Variants in LMO7 observed in about 807,000 individuals in gnomAD.
The protein encoded by LMO7 is LIM domain only protein 7.
A neutral mutation model predicts 206.5 loss-of-function variants in LMO7; 120 were observed. That is an observed-to-expected ratio of 0.58 (90% CI 0.50 to 0.68). LMO7 has a LOEUF of 0.68. Ranked by LOEUF, LMO7 falls within the 30% of genes least tolerant of loss-of-function variation. The probability of loss-of-function intolerance (pLI) is 0.00; values close to 1 mark genes in which losing one functional copy is unlikely to be tolerated. For synonymous variants in LMO7, 706 were observed against 681.5 expected, an observed-to-expected ratio of 1.04 and a Z score of -0.56; for missense variants, 1,959 against 1,957.9, an observed-to-expected ratio of 1.00 and a Z score of -0.01.
intron 1 of LMO7, among the ~76,000 whole-genome samples, chr13:75,701,529 T>A (rs2042286112): frequency 6.6e-6 from 1 of 152,180 alleles, no homozygotes; most frequent in East Asian, 1.9e-4. Flanking sequence ...TGACGCCATC[T>A]TTTTGCTGTT....
At chr13:75,834,660 A>G (rs192357771) in intron 17 of LMO7, among the ~76,000 whole-genome samples, 2 of 152,324 alleles carry the variant, frequency 1.3e-5, no homozygotes, top group Non-Finnish European at 2.9e-5. Flanking sequence ...AGACAAATGT[A>G]TCTGCATCCA....
chr13:75,853,400 G>T lies in LMO7; in HGVS notation c.4661+12G>T. On this transcript the variant is annotated intron_variant, in intron 28 of 30. Coordinates refer to ENST00000377534, the MANE Select transcript of LMO7 (RefSeq NM_001306080.2). ...CAGCTGCGTAACAGGTGAGGCCCTTGCTGTTTCTCTTTCTTCTCTTAGTCT... is the reference window on the plus strand; with the variant it reads ...CAGCTGCGTAACAGGTGAGGCCCTTTCTGTTTCTCTTTCTTCTCTTAGTCT... 6.5e-7 allele frequency: 1 copy of T among 1,547,450 alleles called. No homozygotes were observed. The highest frequency in any genetic ancestry group is 1.4e-5 in the African/African-American group (1 of 72,414).
At chr13:75,807,444 T>A in intron 9 of LMO7, 36 bp from the exon 10 acceptor site, 1 of 1,600,628 alleles carries the variant, frequency 6.2e-7, no homozygotes, top group African/African-American at 1.3e-5. Flanking sequence ...CTAAGCTTAA[T>A]AAGATTCTCT....
At chr13:75,803,520 T>A (rs189381306) in intron 7 of LMO7, among the ~76,000 whole-genome samples, 12 of 152,362 alleles carry the variant, frequency 7.9e-5, no homozygotes, top group African/African-American at 2.9e-4. Context: ...TCCTTTGTCT[T>A]TAAAAGAGTA....
intron 12 of LMO7, 46 bp downstream of exon 12, chr13:75,817,324 T>C: frequency 8.2e-7 from 1 of 1,225,446 alleles, no homozygotes; most frequent in Non-Finnish European, 1.2e-6. Context: ...TTTGTCTAAC[T>C]TTTCTTTGCT....
At chr13:75,748,008 G>GT (rs1022424121) in intron 3 of LMO7, among the ~76,000 whole-genome samples, 17 of 152,286 alleles carry the variant, frequency 1.1e-4, no homozygotes, top group African/African-American at 4.1e-4. Context: ...CCTATATCTT[G>GT]TAGTCATCAA....
chr13:75,626,595 A>ATATTTTTTTTTTTTTTTT, intron 2 of LMO7, among the ~76,000 whole-genome samples: 23 of 71,180 alleles, frequency 3.2e-4, no homozygotes, highest in African/African-American at 6.9e-4. Context: ...ATATATATAA[A>ATATTTTTTTTTTTTTTTT]TTTTTTTGAG....
chr13:75,635,028 C>CAAAACAAAACAAAAA (rs1648997062), upstream of LMO7, among the ~76,000 whole-genome samples: 1 of 135,690 alleles, frequency 7.4e-6, no homozygotes, highest in African/African-American at 2.5e-5. Context: ...CAAAACAAAA[C>CAAAACAAAACAAAAA]AAAACAAAAC....
At chr13:75,647,893 A>G (rs74319345) in intron 1 of LMO7, among the ~76,000 whole-genome samples, 5,271 of 151,506 alleles carry the variant, frequency 0.035, 124 homozygotes, top group African/African-American at 0.042. Flanking sequence ...GGAAAAGGGA[A>G]GCTGAAGCTC....
intron 3 of LMO7, among the ~76,000 whole-genome samples, chr13:75,733,062 C>T (rs374442998): frequency 3.9e-5 from 6 of 152,276 alleles, no homozygotes; most frequent in Admixed American, 2.0e-4. Flanking sequence ...TTAGACTGCT[C>T]GGGGGTCAGG....
chr13:75,852,130 A>G (rs1430310225), intron 27 of LMO7, among the ~76,000 whole-genome samples: 1 of 152,200 alleles, frequency 6.6e-6, no homozygotes. Context: ...ATAAGTATCA[A>G]TCTTCTTAGA....
chr13:75,694,427 A>G (rs1282439071), intron 1 of LMO7, among the ~76,000 whole-genome samples: 3 of 152,186 alleles, frequency 2.0e-5, no homozygotes, highest in Non-Finnish European at 4.4e-5. Flanking sequence ...GATCTCTGGA[A>G]GGTTTTGAGC....
intron 4 of LMO7, among the ~76,000 whole-genome samples, chr13:75,775,107 T>G (rs2050205216): frequency 6.6e-6 from 1 of 152,170 alleles, no homozygotes; most frequent in African/African-American, 2.4e-5. Flanking sequence ...GCTGTTGGAA[T>G]TAATGTTGTA....
At chr13:75,722,348 T>G (rs1315982358) in intron 2 of LMO7, among the ~76,000 whole-genome samples, 1 of 151,050 alleles carries the variant, frequency 6.6e-6, no homozygotes, top group Non-Finnish European at 1.5e-5. Flanking sequence ...CTCAAACAAA[T>G]CAAGAAAAAA....
At position 75,819,396 on chromosome 13, in the gene LMO7, C is replaced by T. The variant is rs1185136517; in HGVS notation, c.2068C>T (p.Leu690Phe). Reference sequence around the variant, plus strand: ...GCTGATGTGATTTTTCTGTCAGGACCTTGCAAAATGGAAAGATCGTCGAAA... The same window carrying T: ...GCTGATGTGATTTTTCTGTCAGGACTTTGCAAAATGGAAAGATCGTCGAAA... ...KEQDQKWQDD[L>F]AKWKDRRKSY... The change falls in exon 13 of 31, where the codon CTT (leucine) becomes TTT (phenylalanine). Residue 690 changes from leucine to phenylalanine, a missense_variant. Leu to Phe is a conservative substitution (Grantham distance 22, BLOSUM62 0). Transcript: ENST00000377534. The T allele has an allele frequency of 1.2e-6, 2 of 1,601,798 alleles. No homozygotes were observed. Among genetic ancestry groups the T allele is most frequent in the Non-Finnish European group, 8.5e-7 (1 of 1,176,058 alleles).
At chr13:75,847,341 A>T (rs976181779) in intron 26 of LMO7, among the ~76,000 whole-genome samples, 1 of 152,254 alleles carries the variant, frequency 6.6e-6, no homozygotes, top group Non-Finnish European at 1.5e-5. Flanking sequence ...AGTCCTCACG[A>T]TAAAACCTGA....
rs576534346 is a variant in LMO7, at chr13:75,719,806, T to C, written c.140+6554T>C. ...TGTGAGAATGGACTAATACAATCCA[T>C]GTGCAGTTTTTTGTGTAAATGTAAA... On this transcript the variant is annotated intron_variant, in intron 2 of 30. Transcript: ENST00000377534. 1.1e-4 allele frequency among the ~76,000 whole-genome samples: 16 copies of C among 152,340 alleles called. No homozygotes were observed. In the South Asian group the frequency reaches 3.3e-3, roughly 32 times the overall value.
intron 4 of LMO7, among the ~76,000 whole-genome samples, chr13:75,776,482 C>T (rs1219800716): frequency 6.6e-6 from 1 of 151,718 alleles, no homozygotes; most frequent in African/African-American, 2.4e-5. Flanking sequence ...GATTTGAAAG[C>T]TTTTTAAAAA....
chr13:75,800,688 T>A lies in LMO7; in HGVS notation c.467T>A (p.Leu156His), dbSNP rs1329297807. The A allele has an allele frequency of 6.2e-7, 1 of 1,614,058 alleles. No individual in the cohort carries two copies. Among genetic ancestry groups the A allele is most frequent in the South Asian group, 1.1e-5 (1 of 91,086 alleles). Residue 156 changes from leucine to histidine, a missense_variant, in exon 7 of 31, where the codon CTC becomes CAC. Physicochemically the swap from Leu to His is moderately conservative, Grantham distance 99. Coordinates refer to ENST00000377534, the MANE Select transcript of LMO7 (RefSeq NM_001306080.2). ...TTTAAAAAACGTTTTCTTTAGGCAC[T>A]CGAAGACTCCAGCTTCCTGAAAAGA... Reference protein sequence around the residue: ...NLLGQALTKALEDSSFLKRSG... With the variant: ...NLLGQALTKAHEDSSFLKRSG...
Sources: allele counts gnomAD v4.1 joint callset (sites outside exome capture counted in the v4.1 genomes callset), GRCh38; gene constraint gnomAD v4.1.1; transcripts MANE v1.5; gene names NCBI Gene and HGNC (gene_info 2026-07-23, HGNC 2026-07-21).